The following DMBX1 variants were observed in gnomAD, a reference collection of about 807,000 sequenced individuals.
DMBX1 encodes the protein diencephalon/mesencephalon homeobox 1.
DMBX1 carries 7 observed loss-of-function variants against 30.4 expected under a neutral mutation model. The ratio of observed to expected loss-of-function variants is 0.23; its 90% CI spans 0.13 to 0.43. The LOEUF (loss-of-function observed/expected upper bound fraction) is 0.43. DMBX1 is among the 20% of genes least tolerant of loss of function. DMBX1 has a pLI of 1.00. For synonymous variants in DMBX1, 222 were observed against 214.2 expected (o/e 1.04, Z -0.32); for missense variants, 460 against 508.5 (o/e 0.90, Z 0.92).
intron 1 of DMBX1, among the ~76,000 whole-genome samples, 143 bp from the exon 2 acceptor site, chr1:46,490,501 G>T (rs1452649308): frequency 2.0e-5 from 3 of 152,136 alleles, no homozygotes; most frequent in African/African-American, 7.2e-5. Flanking sequence ...CTGGGCGGGG[G>T]CTGGGGAGGG....
At chr1:46,498,691 C>T (rs1666069286) in intron 2 of DMBX1, among the ~76,000 whole-genome samples, 1 of 152,208 alleles carries the variant, frequency 6.6e-6, no homozygotes, top group African/African-American at 2.4e-5. Flanking sequence ...CAGATATACG[C>T]ATAAACAGAG....
rs1464082854 is a variant in DMBX1, at chr1:46,507,175, T to C, written c.154+11T>C. The C allele has an allele frequency of 9.9e-6, 16 of 1,613,658 alleles. No homozygotes were observed. In the East Asian group the frequency reaches 1.1e-4, roughly 11 times the overall value. ...CTGAGCGCCTGGCTGGTAAGGGCCC[T>C]GGGGATGGGACCATGGGGACAGGAC... On this transcript the variant is annotated intron_variant, in intron 3 of 5. Coordinates refer to ENST00000360032, the MANE Select transcript of DMBX1 (RefSeq NM_172225.2).
rs1246309462 is a variant in DMBX1, at chr1:46,491,361, A to G, written c.-13+578A>G. ...AAAGCCGAGAACCCACCGGGCCTGGAGCGCAGCCTCAGCGCTGGTTCCGAC... is the reference window on the plus strand; with the variant it reads ...AAAGCCGAGAACCCACCGGGCCTGGGGCGCAGCCTCAGCGCTGGTTCCGAC... On this transcript the variant is annotated intron_variant, in intron 2 of 5. Coordinates refer to ENST00000360032, the MANE Select transcript of DMBX1 (RefSeq NM_172225.2). The surrounding 1 kb of genome is among the most constrained non-coding windows in gnomAD (Gnocchi z 5.5). Among the ~76,000 whole-genome samples, 1 of 152,144 alleles carries G rather than the reference A, an allele frequency of 6.6e-6. No individual in the cohort carries two copies. The highest frequency in any genetic ancestry group is 2.4e-5 in the African/African-American group (1 of 41,442).
chr1:46,512,074 G>A lies in DMBX1; in HGVS notation c.714G>A (p.Val238=). The A allele has an allele frequency of 6.2e-7, 1 of 1,612,924 alleles. No homozygotes were observed. The highest frequency in any genetic ancestry group is 1.1e-5 in the South Asian group (1 of 91,058). ...CAGGCAGCCTGACCATCACTCCTGT[G>A]GCCCCAGGGGGTGGCCTCCTGGGCC... ...DSPGSLTITP[V]APGGGLLGPS... Residue 238 remains valine, a synonymous_variant, in exon 6 of 6, where the codon GTG becomes GTA. Transcript: ENST00000360032. This position sits in a 1 kb window ranked among gnomAD's most constrained non-coding sequence, Gnocchi z 4.8.
intron 2 of DMBX1, among the ~76,000 whole-genome samples, chr1:46,504,822 C>T (rs1666201145): frequency 6.7e-6 from 1 of 150,106 alleles, no homozygotes; most frequent in East Asian, 1.9e-4. Context: ...GCCATTTTCA[C>T]GATATTGATT....
intron 2 of DMBX1, among the ~76,000 whole-genome samples, 87 bp downstream of exon 2, chr1:46,490,870 G>T (rs989562046): frequency 1.3e-5 from 2 of 152,224 alleles, no homozygotes; most frequent in African/African-American, 4.8e-5. Context: ...GGCGAGCTCC[G>T]GCGAGGAACG....
chr1:46,507,388 T>A (rs1666261868), intron 3 of DMBX1, among the ~76,000 whole-genome samples: 1 of 152,236 alleles, frequency 6.6e-6, no homozygotes, highest in South Asian at 2.1e-4. Flanking sequence ...AGCTGCCCTA[T>A]GCTTTCAAAT....
Position 46,515,642 on chromosome 1 carries a change from C to T in DMBX1, c.*3148C>T, listed in dbSNP as rs1666475521. Among the ~76,000 whole-genome samples the T allele has an allele frequency of 6.6e-6, 1 of 152,256 alleles. No individual in the cohort carries two copies. Among genetic ancestry groups the T allele is most frequent in the Admixed American group, 6.5e-5 (1 of 15,288 alleles). Reference sequence around the variant, plus strand: ...GAGCAAGAGGAGAGGACACCTGTGTCTCCTCCAAGCACACTGGTAAGCGGC... The same window carrying T: ...GAGCAAGAGGAGAGGACACCTGTGTTTCCTCCAAGCACACTGGTAAGCGGC... On this transcript the variant is annotated 3_prime_UTR_variant, in exon 6 of 6. Transcript: ENST00000360032.
In DMBX1 at chr1:46,506,995, GT is replaced by G; in HGVS notation, c.-12-3del. The G allele has an allele frequency of 6.2e-7, 1 of 1,613,806 alleles. No homozygotes were observed. Among genetic ancestry groups the G allele is most frequent in the Non-Finnish European group, 8.5e-7 (1 of 1,179,772 alleles). ...CATGGCCCCTCTCCCTTTTCCGTCT[GT>G]AGGCGGATGCCGCCATGCAGCACTA... On this transcript the variant is annotated splice_polypyrimidine_tract_variant and splice_region_variant and intron_variant, in intron 2 of 5. Coordinates refer to ENST00000360032, the MANE Select transcript of DMBX1 (RefSeq NM_172225.2).
chr1:46,509,681 C>T (rs1037879109), intron 3 of DMBX1, among the ~76,000 whole-genome samples: 2 of 152,120 alleles, frequency 1.3e-5, no homozygotes, highest in Non-Finnish European at 2.9e-5. Flanking sequence ...GTCCATAGTC[C>T]TGTCTCCCCT....
At chr1:46,500,833 C>T (rs1666111186) in intron 2 of DMBX1, among the ~76,000 whole-genome samples, 1 of 152,118 alleles carries the variant, frequency 6.6e-6, no homozygotes, top group South Asian at 2.1e-4. Flanking sequence ...ATACCTGTCC[C>T]CTCATTTGCT....
rs150344066 is a variant in DMBX1, at chr1:46,512,062, C to T, written c.702C>T (p.Thr234=). ...TTGCAGATTCCCCAGGCAGCCTGAC[C>T]ATCACTCCTGTGGCCCCAGGGGGTG... ...SPKADSPGSL[T]ITPVAPGGGL... Residue 234 remains threonine, a synonymous_variant, in exon 6 of 6, where the codon ACC becomes ACT. Coordinates refer to ENST00000360032, the MANE Select transcript of DMBX1 (RefSeq NM_172225.2). The surrounding 1 kb of genome is among the most constrained non-coding windows in gnomAD (Gnocchi z 4.8). 2.3e-5 allele frequency: 37 copies of T among 1,611,906 alleles called. No individual in the cohort carries two copies. In the African/African-American group the frequency reaches 4.0e-4, roughly 17 times the overall value.
chr1:46,503,098 C>G (rs1666168805), intron 2 of DMBX1, among the ~76,000 whole-genome samples: 1 of 152,188 alleles, frequency 6.6e-6, no homozygotes, highest in South Asian at 2.1e-4. Flanking sequence ...TCCATCTGTG[C>G]TCCAGCCACC....
chr1:46,507,037 C>T lies in DMBX1; in HGVS notation c.27C>T (p.Tyr9=). 6.2e-7 allele frequency: 1 copy of T among 1,614,226 alleles called. No homozygotes were observed. ...TGCAGCACTACGGGGTGAACGGCTA[C>T]TCACTGCACGCCATGAACTCACTCA... The part of the protein sequence containing the change: MQHYGVNG[Y]SLHAMNSLSA... Residue 9 remains tyrosine, a synonymous_variant, in exon 3 of 6, where the codon TAC becomes TAT. Coordinates refer to ENST00000360032, the MANE Select transcript of DMBX1 (RefSeq NM_172225.2).
chr1:46,504,928 C>T (rs1211279768), intron 2 of DMBX1, among the ~76,000 whole-genome samples: 1 of 152,086 alleles, frequency 6.6e-6, no homozygotes, highest in Non-Finnish European at 1.5e-5. Context: ...AGAGGTCCTT[C>T]ACATCCCTTG....
Position 46,511,069 on chromosome 1 carries a change from G to A in DMBX1, c.468G>A (p.Gln156=). The A allele has an allele frequency of 1.2e-6, 2 of 1,614,112 alleles. No individual in the cohort carries two copies. The highest frequency in any genetic ancestry group is 1.7e-6 in the Non-Finnish European group (2 of 1,180,004). Residue 156 remains glutamine (Q), a synonymous_variant, in exon 5 of 6, where the codon CAG becomes CAA. Coordinates refer to ENST00000360032, the MANE Select transcript of DMBX1 (RefSeq NM_172225.2). The part of the protein sequence containing the change: ...GKAEAPTPDT[Q]LDTEQPPRLP... ...CCGAGGCCCCCACTCCAGATACCCA[G>A]CTGGACACTGAGCAGCCCCCACGTC...
rs1666405688 is a variant in DMBX1, at chr1:46,512,569, G to A, written c.*75G>A. 2 of 1,488,640 alleles carry A rather than the reference G, an allele frequency of 1.3e-6. No homozygotes were observed. The highest frequency in any genetic ancestry group is 1.3e-5 in the South Asian group (1 of 78,212). 92.2% of individuals were successfully genotyped at this position (1,488,640 alleles called of 1,614,324 possible). A position where few individuals can be genotyped will look rare whatever the true frequency, so the allele number is the denominator to read the frequency against. Reference sequence around the variant, plus strand: ...CTGTGGTTATCCCTAGGTGGCTCTCGAGGAGTTAACTCCATGAGCCCAGGG... The same window carrying A: ...CTGTGGTTATCCCTAGGTGGCTCTCAAGGAGTTAACTCCATGAGCCCAGGG... On this transcript the variant is annotated 3_prime_UTR_variant, in exon 6 of 6. Coordinates refer to ENST00000360032, the MANE Select transcript of DMBX1 (RefSeq NM_172225.2). This position sits in a 1 kb window ranked among gnomAD's most constrained non-coding sequence, Gnocchi z 4.8.
At chr1:46,500,036 G>A (rs909195121) in intron 2 of DMBX1, among the ~76,000 whole-genome samples, 1 of 152,182 alleles carries the variant, frequency 6.6e-6, no homozygotes, top group Non-Finnish European at 1.5e-5. Flanking sequence ...GCTCAGTTGA[G>A]CTAGGCCTTA....
chr1:46,497,144 C>A (rs974803633), intron 2 of DMBX1, among the ~76,000 whole-genome samples: 1 of 152,224 alleles, frequency 6.6e-6, no homozygotes, highest in East Asian at 1.9e-4. Context: ...ACTCAGAGAC[C>A]TGGATTCCCA....
Sources: allele counts gnomAD v4.1 joint callset (sites outside exome capture counted in the v4.1 genomes callset), GRCh38; gene constraint gnomAD v4.1.1; non-coding constraint Gnocchi (gnomAD v3.1); transcripts MANE v1.5; gene names NCBI Gene and HGNC (gene_info 2026-07-23, HGNC 2026-07-21).